ZMYND19: variants seen among roughly 807,000 people sequenced by gnomAD.
The protein encoded by ZMYND19 is zinc finger MYND-type containing 19.
ZMYND19 carries 17 observed loss-of-function variants against 32.0 expected under a neutral mutation model. The observed-to-expected ratio is 0.53, with a 90% CI of 0.36 to 0.80. The LOEUF (loss-of-function observed/expected upper bound fraction) is 0.80, where lower values mean the gene tolerates loss of function less well. Among genes scored for constraint, ZMYND19 ranks in the 30% least tolerant of loss-of-function variants. The pLI, the probability that ZMYND19 is intolerant of heterozygous loss-of-function variation, is 0.00. For synonymous variants in ZMYND19, 124 were observed against 113.6 expected, an observed-to-expected ratio of 1.09 and a Z score of -0.58; for missense variants, 250 against 293.6, an observed-to-expected ratio of 0.85 and a Z score of 1.09.
In ZMYND19 at chr9:137,582,624, C is replaced by T; in HGVS notation, c.603G>A (p.Gln201=). Residue 201 remains glutamine, a synonymous_variant, in exon 6 of 6, where the codon CAG becomes CAA. Coordinates refer to ENST00000298585, the MANE Select transcript of ZMYND19 (RefSeq NM_138462.3). The part of the protein sequence containing the change: ...QVARYCGSQC[Q]QKDWPAHKKH... ...TCTTGTGGGCAGGCCAGTCCTTCTG[C>T]TGGCACTGGGAGCCGCAGTACCGGG... is the stretch of plus-strand genomic sequence containing the variant. The T allele has an allele frequency of 6.2e-7, 1 of 1,613,608 alleles. No individual in the cohort carries two copies. Among genetic ancestry groups the T allele is most frequent in the Non-Finnish European group, 8.5e-7 (1 of 1,180,032 alleles).
rs544253017 is a variant in ZMYND19 at position 137,583,624 on chromosome 9, C to G, written c.360-461G>C. 3.1e-4 allele frequency among the ~76,000 whole-genome samples: 47 copies of G among 151,660 alleles called. 1 individual carries two copies. The highest frequency in any genetic ancestry group is 1.1e-3 in the African/African-American group (46 of 41,076). On this transcript the variant is annotated intron_variant, in intron 4 of 5. Coordinates refer to ENST00000298585, the MANE Select transcript of ZMYND19 (RefSeq NM_138462.3). Reference sequence around the variant, plus strand: ...GAGAGTTCTACCAAGAACGGAGCCTCAAAGGCATGTGCACTGGCTGCTCAG... The same window carrying G: ...GAGAGTTCTACCAAGAACGGAGCCTGAAAGGCATGTGCACTGGCTGCTCAG...
At chr9:137,584,195 G>A (rs1040096864) in intron 4 of ZMYND19, among the ~76,000 whole-genome samples, 5 of 152,260 alleles carry the variant, frequency 3.3e-5, no homozygotes, top group African/African-American at 1.2e-4. Flanking sequence ...CCCAACACCT[G>A]CTGGGTTCTA....
chr9:137,583,335 TTG>T lies in ZMYND19; in HGVS notation c.360-174_360-173del, dbSNP rs763033706. 1.2e-3 allele frequency among the ~76,000 whole-genome samples: 179 copies of T among 152,180 alleles called. 1 individual carries two copies. The highest frequency in any genetic ancestry group is 1.5e-3 in the Non-Finnish European group (103 of 67,988). ...GCTTTTCACCACCTGACAGTAAATA[TTG>T]TGTCTCATCTTCCCACTAACCCGTA... On this transcript the variant is annotated intron_variant, in intron 4 of 5. Transcript: ENST00000298585.
chr9:137,589,385 G>C (rs779211187), intron 1 of ZMYND19: 109 of 985,328 alleles, frequency 1.1e-4, no homozygotes, highest in Admixed American at 1.8e-4. Flanking sequence ...TTTTCTTCTG[G>C]GATCTGAACC....
chr9:137,586,504 TGA>T (rs1363256981), intron 4 of ZMYND19, among the ~76,000 whole-genome samples: 1 of 122,844 alleles, frequency 8.1e-6, no homozygotes, highest in Non-Finnish European at 1.7e-5. Flanking sequence ...AATCCCGAGG[TGA>T]GAGAAGGAAG....
rs1411810876 is a variant in ZMYND19, at chr9:137,590,108, G to A, written c.51+105C>T. On this transcript the variant is annotated intron_variant, in intron 1 of 5. Coordinates refer to ENST00000298585, the MANE Select transcript of ZMYND19 (RefSeq NM_138462.3). The surrounding 1 kb of genome is among the most constrained non-coding windows in gnomAD (Gnocchi z 4.2). Reference sequence around the variant, plus strand: ...CCCCGCCCCGCTGGGGCCCATCCCGGGCTCCGCGCCCCCGCCCCGGCCGCC... The same window carrying A: ...CCCCGCCCCGCTGGGGCCCATCCCGAGCTCCGCGCCCCCGCCCCGGCCGCC... The A allele has an allele frequency of 5.1e-6, 5 of 982,118 alleles. No individual in the cohort carries two copies. The highest frequency in any genetic ancestry group is 6.0e-6 in the Non-Finnish European group (5 of 828,550). The allele number at this position is 982,118 out of a possible 1,614,324, so 60.8% of individuals were successfully genotyped here.
At chr9:137,585,021 C>G (rs902851451) in intron 4 of ZMYND19, among the ~76,000 whole-genome samples, 7 of 152,192 alleles carry the variant, frequency 4.6e-5, no homozygotes, top group African/African-American at 1.7e-4. Context: ...ATTCAACAAT[C>G]GTAAGAGGCC....
intron 1 of ZMYND19, 92 bp from the exon 2 acceptor site, chr9:137,588,810 AT>A: frequency 2.0e-6 from 3 of 1,465,074 alleles, no homozygotes; most frequent in Non-Finnish European, 1.9e-6. Flanking sequence ...AGCCTGTTGC[AT>A]TTTCCTGTGA....
In ZMYND19 at chr9:137,582,460, C is replaced by G; in HGVS notation, c.*83G>C. The G allele has an allele frequency of 6.6e-7, 1 of 1,526,018 alleles. No individual in the cohort carries two copies. Among genetic ancestry groups the G allele is most frequent in the Non-Finnish European group, 8.8e-7 (1 of 1,138,838 alleles). 94.5% of individuals were successfully genotyped at this position (1,526,018 alleles called of 1,614,324 possible). On this transcript the variant is annotated 3_prime_UTR_variant, in exon 6 of 6. Coordinates refer to ENST00000298585, the MANE Select transcript of ZMYND19 (RefSeq NM_138462.3). The stretch of plus-strand genomic sequence containing the variant: ...GGGCCCGCAGCTGGCTTTTTTGGCA[C>G]CTCCAGGTTCAACCACCAGTCTGTC...
Position 137,590,359 on chromosome 9 carries a change from C to G in ZMYND19, c.-96G>C. On this transcript the variant is annotated 5_prime_UTR_variant, in exon 1 of 6. Transcript: ENST00000298585. The surrounding 1 kb of genome is among the most constrained non-coding windows in gnomAD (Gnocchi z 4.2). ...CGCGGCGCGCCGGGACAGGACGGGA[C>G]CGGAGCCGGGGTCGGGGTAGCAGCC... is the stretch of plus-strand genomic sequence containing the variant. 1.2e-6 allele frequency: 1 copy of G among 832,386 alleles called. No individual in the cohort carries two copies. Among genetic ancestry groups the G allele is most frequent in the Non-Finnish European group, 1.5e-6 (1 of 689,188 alleles). The allele number at this position is 832,386 out of a possible 1,614,324, so 51.6% of individuals were successfully genotyped here. A position where few individuals can be genotyped will look rare whatever the true frequency, so the allele number is the denominator to read the frequency against.
chr9:137,582,568 T>C lies in ZMYND19; in HGVS notation c.659A>G (p.Gln220Arg). 3.1e-6 allele frequency: 5 copies of C among 1,613,218 alleles called. No individual in the cohort carries two copies. Among genetic ancestry groups the C allele is most frequent in the Non-Finnish European group, 4.2e-6 (5 of 1,180,016 alleles). The change falls in exon 6 of 6, where the codon CAG becomes CGG. Residue 220 changes from glutamine (Q) to arginine (R), a missense_variant. This residue lies in a region of ZMYND19 where 38 missense variants were observed against 74.9 expected (regional missense o/e 0.51). Transcript: ENST00000298585. Reference protein sequence around the residue: ...KHCRERKRPFQHELEPER With the variant: ...KHCRERKRPFRHELEPER ...TCATCGCTCTGGCTCAAGCTCATGC[T>C]GGAAGGGACGCTTCCTCTCCCGACA...
chr9:137,586,875 G>T, intron 4 of ZMYND19, 92 bp downstream of exon 4: 3 of 1,543,708 alleles, frequency 1.9e-6, no homozygotes, highest in South Asian at 2.3e-5. Flanking sequence ...CTCAGAGGAG[G>T]AACAGGAGAC....
intron 1 of ZMYND19, chr9:137,589,182 A>G (rs747974943): frequency 2.7e-5 from 7 of 260,024 alleles, no homozygotes; most frequent in Non-Finnish European, 4.2e-5. Flanking sequence ...AATGTTCCAA[A>G]GAAAAGCTGT....
At chr9:137,588,825 GGAAAGTAACTACA>G in intron 1 of ZMYND19, 107 bp from the exon 2 acceptor site, 1 of 1,317,370 alleles carries the variant, frequency 7.6e-7, no homozygotes, top group East Asian at 2.3e-5. Context: ...CCTGTGAAGT[GGAAAGTAACTACA>G]GGCCTCTTCA....
chr9:137,589,043 C>A, intron 1 of ZMYND19: 1 of 300,356 alleles, frequency 3.3e-6, no homozygotes. Flanking sequence ...TAAACCTAGG[C>A]AAAGACTGTT....
In ZMYND19 at chr9:137,590,084, C is replaced by A. The variant is rs1471816039; in HGVS notation, c.51+129G>T. The A allele has an allele frequency of 1.4e-5, 14 of 983,114 alleles. No homozygotes were observed. In the African/African-American group the frequency reaches 2.3e-4, roughly 16 times the overall value. The allele number at this position is 983,114 out of a possible 1,614,324, so 60.9% of individuals were successfully genotyped here. On this transcript the variant is annotated intron_variant, in intron 1 of 5. Coordinates refer to ENST00000298585, the MANE Select transcript of ZMYND19 (RefSeq NM_138462.3). This position sits in a 1 kb window ranked among gnomAD's most constrained non-coding sequence, Gnocchi z 4.2. ...CAGCAGCCGGGCCCGCGCAGCGTCC[C>A]CCGCCCCGCTGGGGCCCATCCCGGG...
At chr9:137,589,942 G>A (rs946445512) in intron 1 of ZMYND19, 8 of 985,266 alleles carry the variant, frequency 8.1e-6, no homozygotes, top group African/African-American at 1.7e-5. Context: ...ACCCGGCTCG[G>A]GACAGGGCCG....
Position 137,582,557 on chromosome 9 carries a change from C to A in ZMYND19, c.670G>T (p.Glu224Ter). ...ERKRPFQHEL[E>*]PER ...TCCCCTGCCCGTCATCGCTCTGGCTCAAGCTCATGCTGGAAGGGACGCTTC... is the reference window on the plus strand; with the variant it reads ...TCCCCTGCCCGTCATCGCTCTGGCTAAAGCTCATGCTGGAAGGGACGCTTC... The change falls in exon 6 of 6, where the codon GAG (glutamate) becomes TAG (stop). Residue 224 changes from glutamate (E) to a stop codon, truncating the protein, a stop_gained. Transcript: ENST00000298585. LOFTEE classifies it high-confidence loss of function. 1 of 1,612,884 alleles carries A rather than the reference C, an allele frequency of 6.2e-7. No homozygotes were observed. Among genetic ancestry groups the A allele is most frequent in the South Asian group, 1.1e-5 (1 of 91,040 alleles).
In ZMYND19 at chr9:137,582,458, C is replaced by A. The variant is rs1490563041; in HGVS notation, c.*85G>T. 1.3e-6 allele frequency: 2 copies of A among 1,518,892 alleles called. No individual in the cohort carries two copies. Among genetic ancestry groups the A allele is most frequent in the Non-Finnish European group, 8.8e-7 (1 of 1,135,928 alleles). 94.1% of individuals were successfully genotyped at this position (1,518,892 alleles called of 1,614,324 possible). A position where few individuals can be genotyped will look rare whatever the true frequency, so the allele number is the denominator to read the frequency against. On this transcript the variant is annotated 3_prime_UTR_variant, in exon 6 of 6. Coordinates refer to ENST00000298585, the MANE Select transcript of ZMYND19 (RefSeq NM_138462.3). ...CTGGGCCCGCAGCTGGCTTTTTTGGCACCTCCAGGTTCAACCACCAGTCTG... is the reference window on the plus strand; with the variant it reads ...CTGGGCCCGCAGCTGGCTTTTTTGGAACCTCCAGGTTCAACCACCAGTCTG...
Sources: gnomAD v4.1 joint callset for allele counts (sites outside exome capture counted in the v4.1 genomes callset) on GRCh38, gnomAD v4.1.1 for gene constraint, gnomAD v4.1.1 regional missense constraint, Gnocchi (gnomAD v3.1) non-coding constraint, MANE v1.5 for transcripts, NCBI Gene and HGNC (gene_info 2026-07-23, HGNC 2026-07-21) for gene names.